ATP11B: variants seen among roughly 807,000 people sequenced by gnomAD.
ATP11B encodes ATPase phospholipid transporting 11B (putative).
Under a neutral mutation model 157.8 loss-of-function variants are expected in ATP11B, and 81 were observed. The ratio of observed to expected loss-of-function variants is 0.51; its 90% confidence interval spans 0.43 to 0.62. ATP11B has a LOEUF of 0.62. ATP11B is among the 20% of genes least tolerant of loss of function. The pLI, the probability that ATP11B is intolerant of heterozygous loss-of-function variation, is 0.00. For synonymous variants in ATP11B, 451 were observed against 469.4 expected (o/e 0.96, Z 0.51); for missense variants, 1,165 against 1,402.2 (o/e 0.83, Z 2.70).
intron 2 of ATP11B, among the ~76,000 whole-genome samples, chr3:182,824,089 T>C (rs1209710140): frequency 6.6e-6 from 1 of 152,154 alleles, no homozygotes; most frequent in African/African-American, 2.4e-5. Context: ...ACACAAGTCT[T>C]TTGTGCCTGA....
chr3:182,899,231 C>T (rs1435689099), intron 28 of ATP11B, among the ~76,000 whole-genome samples: 4 of 149,334 alleles, frequency 2.7e-5, no homozygotes, highest in Admixed American at 2.0e-4. Context: ...TCTTGGATCA[C>T]TGCAAACTCT....
rs1448873901 is a variant in ATP11B at position 182,809,638 on chromosome 3, C to T, written c.28-10622C>T. Among the ~76,000 whole-genome samples, 7 of 152,280 alleles carry T rather than the reference C, an allele frequency of 4.6e-5. 1 individual carries two copies. The East Asian group carries it at 1.3e-3, about 29-fold the overall frequency. On this transcript the variant is annotated intron_variant, in intron 1 of 29. Transcript: ENST00000323116. ...CTGGGTTCCAATATCAAGTCCAGCCCTCTTTTCTAAGCTCTAAGCAAGTAT... is the reference window on the plus strand; with the variant it reads ...CTGGGTTCCAATATCAAGTCCAGCCTTCTTTTCTAAGCTCTAAGCAAGTAT...
At chr3:182,842,227 G>A in intron 8 of ATP11B, 105 bp downstream of exon 8, 1 of 783,714 alleles carries the variant, frequency 1.3e-6, no homozygotes, top group East Asian at 2.6e-5. Flanking sequence ...CCCATCATGG[G>A]AAAGGGTTAA....
intron 1 of ATP11B, among the ~76,000 whole-genome samples, chr3:182,813,649 G>T (rs769271413): frequency 1.2e-4 from 18 of 152,082 alleles, no homozygotes; most frequent in Non-Finnish European, 2.6e-4. Flanking sequence ...CTACAGAACC[G>T]CTTTAAAATT....
intron 21 of ATP11B, among the ~76,000 whole-genome samples, chr3:182,884,316 A>G (rs1229296809): frequency 6.6e-6 from 1 of 152,104 alleles, no homozygotes; most frequent in African/African-American, 2.4e-5. Context: ...TGGAAGTGTT[A>G]AGCAAACAAA....
chr3:182,908,524 A>T (rs534830616), intron 28 of ATP11B: 1 of 152,276 alleles, frequency 6.6e-6, no homozygotes, highest in South Asian at 2.1e-4. Flanking sequence ...TACATACAGA[A>T]ATCTCCTTCT....
At chr3:182,835,322 A>G (rs558103088) in intron 4 of ATP11B, among the ~76,000 whole-genome samples, 1 of 152,338 alleles carries the variant, frequency 6.6e-6, no homozygotes, top group Admixed American at 6.5e-5. Context: ...CTCAGTTCCA[A>G]AAATCTGCTC....
intron 1 of ATP11B, among the ~76,000 whole-genome samples, chr3:182,805,891 G>T: frequency 6.6e-6 from 1 of 152,130 alleles, no homozygotes; most frequent in Admixed American, 6.5e-5. Flanking sequence ...AATGTGGGTT[G>T]TAGTCCTACT....
intron 29 of ATP11B, chr3:182,916,660 G>C (rs1577128383): frequency 2.0e-6 from 2 of 983,712 alleles, no homozygotes; most frequent in East Asian, 2.3e-4. Context: ...TGTAGTTCAA[G>C]TGTTTAATGT....
intron 1 of ATP11B, among the ~76,000 whole-genome samples, chr3:182,807,840 G>T (rs1716420817): frequency 6.6e-6 from 1 of 152,012 alleles, no homozygotes; most frequent in African/African-American, 2.4e-5. Flanking sequence ...TTATTCAGGG[G>T]AGGGGCGTGG....
rs569128997 is a variant in ATP11B, at chr3:182,871,633, G to T, written c.1867-723G>T. Among the ~76,000 whole-genome samples the T allele has an allele frequency of 2.0e-5, 3 of 152,238 alleles. No homozygotes were observed. In the South Asian group the frequency reaches 6.2e-4, roughly 32 times the overall value. ...AAATTGTACGAAGTAGGTAAAAAATGGAATTGTAAGTTAAAACAGGAAGGT... is the reference window on the plus strand; with the variant it reads ...AAATTGTACGAAGTAGGTAAAAAATTGAATTGTAAGTTAAAACAGGAAGGT... On this transcript the variant is annotated intron_variant, in intron 17 of 29. Transcript: ENST00000323116.
At chr3:182,898,866 G>T in intron 28 of ATP11B, 94 bp downstream of exon 28, 1 of 858,048 alleles carries the variant, frequency 1.2e-6, no homozygotes, top group Non-Finnish European at 1.6e-6. Flanking sequence ...TCAGAAAATA[G>T]GAAATTAGCC....
At chr3:182,858,421 CTT>C (rs1238304047) in intron 11 of ATP11B, among the ~76,000 whole-genome samples, 1 of 152,080 alleles carries the variant, frequency 6.6e-6, no homozygotes, top group African/African-American at 2.4e-5. Context: ...TGTTATCAGT[CTT>C]AATATGAAGT....
rs934858461 is a variant in ATP11B, at chr3:182,872,458, C to T, written c.1969C>T (p.Arg657Trp). 27 of 1,613,806 alleles carry T rather than the reference C, an allele frequency of 1.7e-5. No homozygotes were observed. The highest frequency in any genetic ancestry group is 1.2e-4 in the Admixed American group (7 of 59,972). Residue 657 changes from arginine to tryptophan, a missense_variant, in exon 18 of 30, where the codon CGG (arginine) becomes TGG (tryptophan). This residue lies in a region of ATP11B where 737 missense variants were observed against 930.5 expected (regional missense o/e 0.79). Coordinates refer to ENST00000323116, the MANE Select transcript of ATP11B (RefSeq NM_014616.3). ...IFEARTALQQ[R>W]EEKLAAVFQF... ...TGAAGCCAGGACTGCCTTGCAGCAG[C>T]GGGAAGAGAAATTGGCAGCTGTTTT...
chr3:182,882,732 A>G (rs1438909145), intron 21 of ATP11B, among the ~76,000 whole-genome samples: 1 of 152,202 alleles, frequency 6.6e-6, no homozygotes, highest in East Asian at 1.9e-4. Flanking sequence ...AGCTCCCAAA[A>G]CAAATTTTAA....
At chr3:182,902,494 C>T (rs1181603542) in intron 28 of ATP11B, 8 of 1,289,414 alleles carry the variant, frequency 6.2e-6, no homozygotes, top group Non-Finnish European at 8.1e-6. Context: ...TACTCCAACA[C>T]AGTTGCTTTA....
chr3:182,883,261 C>CTT (rs113393141), intron 21 of ATP11B, among the ~76,000 whole-genome samples: 15,249 of 144,868 alleles, frequency 0.11, 791 homozygotes, highest in African/African-American at 0.12. Flanking sequence ...TAAAACAATC[C>CTT]TTTTTTTTTT....
chr3:182,804,694 A>G (rs1716217770), intron 1 of ATP11B, among the ~76,000 whole-genome samples: 1 of 152,174 alleles, frequency 6.6e-6, no homozygotes. Context: ...TAGTGTATTC[A>G]CAGGTTAGTG....
At chr3:182,915,945 C>T in intron 29 of ATP11B, 1 of 982,666 alleles carries the variant, frequency 1.0e-6, no homozygotes, top group Non-Finnish European at 1.2e-6. Flanking sequence ...CCAGGTTTCT[C>T]CAACATCACA....
Sources: allele counts gnomAD v4.1 joint callset (sites outside exome capture counted in the v4.1 genomes callset), GRCh38; gene constraint gnomAD v4.1.1; regional missense constraint gnomAD v4.1.1; transcripts MANE v1.5; gene names NCBI Gene and HGNC (gene_info 2026-07-23, HGNC 2026-07-21).